ASXL2: variants seen among roughly 807,000 people sequenced by gnomAD.
ASXL2 encodes the protein putative Polycomb group protein ASXL2.
ASXL2 carries 23 observed loss-of-function variants against 122.0 expected under a neutral mutation model. That is an observed-to-expected ratio of 0.19 (90% CI 0.14 to 0.27). The LOEUF (loss-of-function observed/expected upper bound fraction) is 0.27, where lower values mean the gene tolerates loss of function less well. Among genes scored for constraint, ASXL2 ranks in the 10% least tolerant of loss-of-function variants. The probability of loss-of-function intolerance (pLI) is 1.00; values close to 1 mark genes in which losing one functional copy is unlikely to be tolerated. For synonymous variants in ASXL2, 650 were observed against 637.0 expected (o/e 1.02, Z -0.31); for missense variants, 1,518 against 1,713.8 (o/e 0.89, Z 2.02).
chr2:25,811,753 T>C (rs2089173655), intron 3 of ASXL2, among the ~76,000 whole-genome samples: 1 of 152,130 alleles, frequency 6.6e-6, no homozygotes, highest in South Asian at 2.1e-4. Flanking sequence ...TATATTTGTA[T>C]TTATTTATAT....
intron 1 of ASXL2, among the ~76,000 whole-genome samples, chr2:25,849,064 C>CATACATATATATATATATATATATAT (rs1553705440): frequency 2.3e-5 from 2 of 86,516 alleles, no homozygotes; most frequent in Non-Finnish European, 3.9e-5. Context: ...AAAAAATTTA[C>CATACATATATATATATATATATATAT]ATATATATAT....
At chr2:25,865,302 G>A (rs1290601777) in intron 1 of ASXL2, among the ~76,000 whole-genome samples, 5 of 151,620 alleles carry the variant, frequency 3.3e-5, no homozygotes, top group South Asian at 4.2e-4. Context: ...GTGGTGGCGC[G>A]CACCTTTAAG....
chr2:25,765,631 GCT>G (rs2149151176), intron 8 of ASXL2, among the ~76,000 whole-genome samples: 1 of 152,276 alleles, frequency 6.6e-6, no homozygotes, highest in South Asian at 2.1e-4. Context: ...CGGAAATGGT[GCT>G]TTCTTTTTTT....
Position 25,799,371 on chromosome 2 carries a change from T to TC in ASXL2, c.403+13dup. On this transcript the variant is annotated intron_variant, in intron 5 of 12. Coordinates refer to ENST00000435504, the MANE Select transcript of ASXL2 (RefSeq NM_018263.6). ...CAGCATTTAGTACTTTATTGAAGGA[T>TC]CAGGTGGATTTACCTTTCCTTTTCC... 1 of 1,613,964 alleles carries TC rather than the reference T, an allele frequency of 6.2e-7. No individual in the cohort carries two copies. Among genetic ancestry groups the TC allele is most frequent in the African/African-American group, 1.3e-5 (1 of 75,040 alleles).
Position 25,742,567 on chromosome 2 carries a change from T to C in ASXL2, c.3770A>G (p.Asp1257Gly), listed in dbSNP as rs762887744. The change falls in exon 13 of 13, where the codon GAT becomes GGT. Residue 1257 changes from aspartate to glycine, a missense_variant. Physicochemically the swap from Asp to Gly is moderately conservative, Grantham distance 94. Transcript: ENST00000435504. The stretch of plus-strand genomic sequence containing the variant: ...TAAATCTCTGGCTAGGGTCTTTTCA[T>C]CAAATGTTTGGCCTCTAGTGAACAG... ...NYLFTRGQTFDEKTLARDLIQ... is the reference protein window; with the variant it reads ...NYLFTRGQTFGEKTLARDLIQ... 4.3e-6 allele frequency: 7 copies of C among 1,614,030 alleles called. No homozygotes were observed. Among genetic ancestry groups the C allele is most frequent in the Non-Finnish European group, 5.1e-6 (6 of 1,179,900 alleles).
intron 5 of ASXL2, among the ~76,000 whole-genome samples, chr2:25,778,643 T>C (rs901134390): frequency 8.5e-5 from 13 of 152,114 alleles, no homozygotes; most frequent in African/African-American, 2.4e-4. Context: ...AAACTACATA[T>C]AATGTTTTAA....
At chr2:25,769,068 T>C (rs1299822323) in intron 6 of ASXL2, among the ~76,000 whole-genome samples, 200 bp from the exon 7 acceptor site, 3 of 152,130 alleles carry the variant, frequency 2.0e-5, no homozygotes, top group African/African-American at 7.2e-5. Flanking sequence ...TCTGTTCTTA[T>C]CAATTTAAAT....
chr2:25,863,043 C>T (rs915689704), intron 1 of ASXL2, among the ~76,000 whole-genome samples: 1 of 152,116 alleles, frequency 6.6e-6, no homozygotes, highest in African/African-American at 2.4e-5. Context: ...ACTAAAGCAG[C>T]TCACAGCCGG....
intron 2 of ASXL2, among the ~76,000 whole-genome samples, chr2:25,844,139 A>G (rs1025920732): frequency 6.6e-6 from 1 of 152,180 alleles, no homozygotes; most frequent in Admixed American, 6.6e-5. Flanking sequence ...AATGCCACCT[A>G]TAGTTGAAAA....
At chr2:25,833,743 A>G (rs2089479887) in intron 3 of ASXL2, among the ~76,000 whole-genome samples, 3 of 151,860 alleles carry the variant, frequency 2.0e-5, no homozygotes, top group South Asian at 2.1e-4. Context: ...GCCCTCCCCT[A>G]CTGGAAATAG....
intron 5 of ASXL2, among the ~76,000 whole-genome samples, chr2:25,784,516 G>A (rs767050060): frequency 2.6e-5 from 4 of 152,158 alleles, no homozygotes; most frequent in Non-Finnish European, 4.4e-5. Context: ...TAACCTAGGT[G>A]GTATAAAACA....
At chr2:25,810,852 G>A (rs1371553111) in intron 3 of ASXL2, among the ~76,000 whole-genome samples, 1 of 152,026 alleles carries the variant, frequency 6.6e-6, no homozygotes, top group African/African-American at 2.4e-5. Flanking sequence ...ATACATCTGG[G>A]GGGAATGTGC....
In ASXL2 at chr2:25,759,466, G is replaced by C. The variant is rs1249014160; in HGVS notation, c.939+16C>G. ...AAACAGCTATTTTTAAAATCTTAAG[G>C]AGTTCAATGACGCACCTGTCGATCT... On this transcript the variant is annotated intron_variant, in intron 9 of 12. Coordinates refer to ENST00000435504, the MANE Select transcript of ASXL2 (RefSeq NM_018263.6). 1 of 1,609,980 alleles carries C rather than the reference G, an allele frequency of 6.2e-7. No individual in the cohort carries two copies. Among genetic ancestry groups the C allele is most frequent in the African/African-American group, 1.3e-5 (1 of 74,832 alleles).
At chr2:25,859,919 C>T (rs989135958) in intron 1 of ASXL2, among the ~76,000 whole-genome samples, 5 of 152,006 alleles carry the variant, frequency 3.3e-5, no homozygotes, top group African/African-American at 1.2e-4. Flanking sequence ...GGCACAGCGG[C>T]TCACCTCTAA....
In ASXL2 at chr2:25,803,779, T is replaced by G. The variant is rs187579688; in HGVS notation, c.252+2450A>C. ...CCACTGATCCGACAGGAGGCAGAAC[T>G]CAGGCAGTCATGCTTGCTTGCCCAC... On this transcript the variant is annotated intron_variant, in intron 4 of 12. Coordinates refer to ENST00000435504, the MANE Select transcript of ASXL2 (RefSeq NM_018263.6). Among the ~76,000 whole-genome samples the G allele has an allele frequency of 2.4e-3, 371 of 152,326 alleles. 2 individuals are homozygous for G. Among genetic ancestry groups the G allele is most frequent in the Non-Finnish European group, 1.4e-3 (95 of 68,028 alleles).
At chr2:25,844,270 G>T (rs936621421) in intron 2 of ASXL2, among the ~76,000 whole-genome samples, 10 of 152,114 alleles carry the variant, frequency 6.6e-5, no homozygotes, top group Admixed American at 1.3e-4. Flanking sequence ...CTTGATGATA[G>T]AGAGTCTTGA....
chr2:25,767,459 T>C (rs1373155238), intron 8 of ASXL2, 124 bp downstream of exon 8: 3 of 1,027,972 alleles, frequency 2.9e-6, no homozygotes, highest in Non-Finnish European at 1.4e-6. Flanking sequence ...AAAACTTATG[T>C]CTAATCTTTG....
At chr2:25,798,947 G>A (rs1018863410) in intron 5 of ASXL2, among the ~76,000 whole-genome samples, 1 of 152,122 alleles carries the variant, frequency 6.6e-6, no homozygotes, top group Non-Finnish European at 1.5e-5. Flanking sequence ...GTAAACCATG[G>A]ACTCTGGGTG....
intron 8 of ASXL2, among the ~76,000 whole-genome samples, chr2:25,762,902 C>T (rs56069012): frequency 0.042 from 6,437 of 152,090 alleles, 210 homozygotes; most frequent in African/African-American, 0.08. Flanking sequence ...TGAAGTTACA[C>T]ACCAGGCAAA....
Sources: gnomAD v4.1 joint callset for allele counts (sites outside exome capture counted in the v4.1 genomes callset) on GRCh38, gnomAD v4.1.1 for gene constraint, MANE v1.5 for transcripts, NCBI Gene and HGNC (gene_info 2026-07-23, HGNC 2026-07-21) for gene names.